Variants in FANCA observed in about 807,000 individuals in gnomAD.
FANCA encodes Fanconi anemia group A protein.
FANCA carries 236 observed loss-of-function variants against 194.3 expected under a neutral mutation model. The observed-to-expected ratio is 1.21, with a 90% CI of 1.09 to 1.35. The LOEUF (loss-of-function observed/expected upper bound fraction) is 1.35. Among genes scored for constraint, FANCA ranks in the 40% most tolerant of loss-of-function variants. The probability of loss-of-function intolerance (pLI) is 0.00; values close to 1 mark genes in which losing one functional copy is unlikely to be tolerated. For synonymous variants in FANCA, 1,014 were observed against 715.8 expected (o/e 1.42, Z -6.65); for missense variants, 2,628 against 1,813.9 (o/e 1.45, Z -8.15).
chr16:89,794,642 G>C (rs957146782), intron 11 of FANCA, among the ~76,000 whole-genome samples: 2 of 152,200 alleles, frequency 1.3e-5, no homozygotes, highest in South Asian at 4.1e-4. Flanking sequence ...ATAAACTCCT[G>C]AGCACCTCAC....
Position 89,796,657 on chromosome 16 carries a change from C to T in FANCA, c.894-639G>A, listed in dbSNP as rs576864054. Among the ~76,000 whole-genome samples, 3 of 152,320 alleles carry T rather than the reference C, an allele frequency of 2.0e-5. No homozygotes were observed. In the South Asian group the frequency reaches 6.2e-4, roughly 32 times the overall value. ...GGCCTATACAGACCACCAAACCAAA[C>T]CCAGACCCTCTCGTGAGGCTTACAA... On this transcript the variant is annotated intron_variant, in intron 10 of 42. Coordinates refer to ENST00000389301, the MANE Select transcript of FANCA (RefSeq NM_000135.4).
intron 1 of FANCA, 54 bp downstream of exon 1, chr16:89,816,483 A>G (rs2143730027): frequency 7.0e-7 from 1 of 1,424,720 alleles, no homozygotes; most frequent in Non-Finnish European, 9.2e-7. Flanking sequence ...GGAACCGGCG[A>G]AACCGTCCCG....
intron 3 of FANCA, among the ~76,000 whole-genome samples, chr16:89,814,090 A>G (rs1352280692): frequency 6.6e-6 from 1 of 152,222 alleles, no homozygotes; most frequent in Non-Finnish European, 1.5e-5. Context: ...AAGGACGTGA[A>G]GGATCAGAAA....
At chr16:89,739,797 G>T (rs1362291155) in intron 39 of FANCA, 197 bp downstream of exon 39, 2 of 1,461,958 alleles carry the variant, frequency 1.4e-6, no homozygotes, top group Non-Finnish European at 1.8e-6. Flanking sequence ...TAGGCCCATT[G>T]GTCCTGGGGT....
At chr16:89,771,386 G>A (rs531735906) in intron 23 of FANCA, among the ~76,000 whole-genome samples, 2 of 151,626 alleles carry the variant, frequency 1.3e-5, no homozygotes, top group South Asian at 4.2e-4. Context: ...TTGAGCCCAG[G>A]ATGTCAAAGC....
chr16:89,809,124 G>T (rs920878724), intron 5 of FANCA, among the ~76,000 whole-genome samples: 11 of 151,854 alleles, frequency 7.2e-5, no homozygotes, highest in East Asian at 2.0e-4. Flanking sequence ...GCCAGGATGG[G>T]CTCGATCTCC....
Position 89,740,636 on chromosome 16 carries a change from C to CAAAAA in FANCA, c.3828+163_3828+167dup, listed in dbSNP as rs371709074. The CAAAAA allele has an allele frequency of 0.03, 13,739 of 453,898 alleles. 236 individuals are homozygous for CAAAAA. Among genetic ancestry groups the CAAAAA allele is most frequent in the East Asian group, 0.062 (1,669 of 26,796 alleles). 28.1% of individuals were successfully genotyped at this position (453,898 alleles called of 1,614,324 possible). Reference sequence around the variant, plus strand: ...GGGTGACAGAGTGAGACCCCCATCTCAAAAAAAAAAAAAAAAAACCCACGG... The same window carrying CAAAAA: ...GGGTGACAGAGTGAGACCCCCATCTCAAAAAAAAAAAAAAAAAAAAAAACCCACGG... On this transcript the variant is annotated intron_variant, in intron 38 of 42. Transcript: ENST00000389301.
At chr16:89,779,553 C>A (rs1434454770) in intron 18 of FANCA, among the ~76,000 whole-genome samples, 1 of 152,206 alleles carries the variant, frequency 6.6e-6, no homozygotes, top group Non-Finnish European at 1.5e-5. Context: ...GGAGGGGCAT[C>A]ACCTGCTTTT....
chr16:89,802,941 T>C (rs1337614192), intron 8 of FANCA, among the ~76,000 whole-genome samples: 1 of 152,126 alleles, frequency 6.6e-6, no homozygotes, highest in African/African-American at 2.4e-5. Flanking sequence ...GGTACAAACA[T>C]ACAGCTAGAC....
At position 89,739,556 on chromosome 16, in the gene FANCA, G is replaced by A. The variant is rs368999000; in HGVS notation, c.3935-3C>T. 5.2e-6 allele frequency: 8 copies of A among 1,551,012 alleles called. No homozygotes were observed. Among genetic ancestry groups the A allele is most frequent in the Non-Finnish European group, 6.1e-6 (7 of 1,146,956 alleles). ...GAGGAGCCGCCCCAGCCTGAGGTCT[G>A]CAACACCAAGAAGTGGCTCAGGCAA... On this transcript the variant is annotated splice_region_variant and splice_polypyrimidine_tract_variant and intron_variant, in intron 39 of 42. Coordinates refer to ENST00000389301, the MANE Select transcript of FANCA (RefSeq NM_000135.4).
chr16:89,740,721 C>A (rs2062111305), intron 38 of FANCA, 83 bp downstream of exon 38: 1 of 1,177,112 alleles, frequency 8.5e-7, no homozygotes, highest in South Asian at 1.3e-5. Context: ...AGTCTGGAAA[C>A]CCTGACTTGG....
chr16:89,783,687 C>T (rs992776346), intron 15 of FANCA, among the ~76,000 whole-genome samples: 1 of 152,180 alleles, frequency 6.6e-6, no homozygotes, highest in Non-Finnish European at 1.5e-5. Flanking sequence ...ATCCTAGCAG[C>T]GGCAGCAGGA....
intron 20 of FANCA, chr16:89,778,354 T>G (rs1422721306): frequency 2.7e-6 from 1 of 367,430 alleles, no homozygotes; most frequent in Non-Finnish European, 5.2e-6. Context: ...TAATCCCAGC[T>G]ACTCAGGAGG....
intron 6 of FANCA, among the ~76,000 whole-genome samples, chr16:89,805,663 C>T (rs957333979): frequency 7.2e-5 from 11 of 152,070 alleles, no homozygotes; most frequent in Non-Finnish European, 1.5e-4. Context: ...CTCAAACTCC[C>T]GGGCTCAAAA....
intron 29 of FANCA, among the ~76,000 whole-genome samples, chr16:89,759,460 G>A (rs1220354825): frequency 6.6e-6 from 1 of 151,528 alleles, no homozygotes; most frequent in African/African-American, 2.4e-5. Context: ...GGATGGGAAG[G>A]GGCTCAAGGA....
In FANCA at chr16:89,737,667, G is replaced by C. The variant is rs1034662653; in HGVS notation, c.*934C>G. 3 of 1,500,148 alleles carry C rather than the reference G, an allele frequency of 2.0e-6. No individual in the cohort carries two copies. The highest frequency in any genetic ancestry group is 2.2e-5 in the Admixed American group (1 of 44,790). The allele number at this position is 1,500,148 out of a possible 1,614,324, so 92.9% of individuals were successfully genotyped here. ...ATCTTAATAAACGAGGCCCTCATAG[G>C]CCCCTTGCTTGGGCCCACTGCATGG... On this transcript the variant is annotated 3_prime_UTR_variant, in exon 43 of 43. Coordinates refer to ENST00000389301, the MANE Select transcript of FANCA (RefSeq NM_000135.4).
At chr16:89,798,625 C>A (rs2040329157) in intron 10 of FANCA, 1 of 1,178,916 alleles carries the variant, frequency 8.5e-7, no homozygotes. Flanking sequence ...CCAGCCCCCA[C>A]TCCTCAGCTT....
At chr16:89,759,359 A>T (rs909956852) in intron 29 of FANCA, among the ~76,000 whole-genome samples, 1 of 145,620 alleles carries the variant, frequency 6.9e-6, no homozygotes, top group Non-Finnish European at 1.5e-5. Context: ...AGTAGCCTGG[A>T]AAGTCACCTG....
At position 89,744,801 on chromosome 16, in the gene FANCA, C is replaced by T. The variant is rs17233623; in HGVS notation, c.3626+158G>A. 0.093 allele frequency: 66,409 copies of T among 713,780 alleles called. 3,628 individuals carry two copies. Among genetic ancestry groups the T allele is most frequent in the East Asian group, 0.16 (5,971 of 36,530 alleles). 44.2% of individuals were successfully genotyped at this position (713,780 alleles called of 1,614,324 possible). A position where few individuals can be genotyped will look rare whatever the true frequency, so the allele number is the denominator to read the frequency against. On this transcript the variant is annotated intron_variant, in intron 36 of 42. Transcript: ENST00000389301. ...CCTCCCCAGTAGTTGGGATTACAGGCGCCCACCACCACGAGAACTCGGTTC... is the reference window on the plus strand; with the variant it reads ...CCTCCCCAGTAGTTGGGATTACAGGTGCCCACCACCACGAGAACTCGGTTC...
Sources: allele counts gnomAD v4.1 joint callset (sites outside exome capture counted in the v4.1 genomes callset), GRCh38; gene constraint gnomAD v4.1.1; transcripts MANE v1.5; gene names NCBI Gene and HGNC (gene_info 2026-07-23, HGNC 2026-07-21).